Variants in COPZ2 observed in about 807,000 individuals in gnomAD.
The protein encoded by COPZ2 is coatomer subunit zeta-2.
Under a neutral mutation model 33.2 loss-of-function variants are expected in COPZ2, and 30 were observed. That is an observed-to-expected ratio of 0.90 (90% CI 0.68 to 1.23). The LOEUF is 1.23. Ranked by LOEUF, COPZ2 falls within the 50% of genes most tolerant of loss-of-function variation. The pLI, the probability that COPZ2 is intolerant of heterozygous loss-of-function variation, is 0.00. For synonymous variants in COPZ2, 89 were observed against 102.6 expected (o/e 0.87, Z 0.80); for missense variants, 263 against 262.4 (o/e 1.00, Z -0.02).
At chr17:48,039,530 G>A (rs1217166154), upstream of COPZ2, among the ~76,000 whole-genome samples, 4 of 151,684 alleles carry the variant, frequency 2.6e-5, no homozygotes, top group Non-Finnish European at 5.9e-5. Context: ...AGGAGGAGGG[G>A]GAGGAGGGTG....
Position 48,028,362 on chromosome 17 carries a change from A to T in COPZ2, c.585+110T>A, listed in dbSNP as rs375911776. On this transcript the variant is annotated intron_variant, in intron 8 of 8. Transcript: ENST00000621465. The surrounding 1 kb of genome is among the most constrained non-coding windows in gnomAD (Gnocchi z 4.5). ...CTCATCCCTTCCCTTCTCACCCCTGATTTTTCAGACTTGATAACTTCACTG... is the reference window on the plus strand; with the variant it reads ...CTCATCCCTTCCCTTCTCACCCCTGTTTTTTCAGACTTGATAACTTCACTG... 61 of 1,160,718 alleles carry T rather than the reference A, an allele frequency of 5.3e-5. No homozygotes were observed. Among genetic ancestry groups the T allele is most frequent in the East Asian group, 5.2e-4 (19 of 36,840 alleles). 71.9% of individuals were successfully genotyped at this position (1,160,718 alleles called of 1,614,324 possible).
chr17:48,036,756 G>A (rs1402502577), intron 2 of COPZ2, 95 bp downstream of exon 2: 26 of 1,209,306 alleles, frequency 2.1e-5, no homozygotes, highest in Non-Finnish European at 3.1e-5. Flanking sequence ...AAGCTGAGCT[G>A]CCCTGAGTCA....
chr17:48,039,777 A>G (rs150324254), upstream of COPZ2, among the ~76,000 whole-genome samples: 904 of 152,096 alleles, frequency 5.9e-3, 7 homozygotes, highest in Non-Finnish European at 0.011. Context: ...GTCTTGCTCT[A>G]TCACCCAGGC....
the COPZ2 span, among the ~76,000 whole-genome samples, chr17:48,043,303 C>T: frequency 6.6e-6 from 1 of 152,202 alleles, no homozygotes; most frequent in East Asian, 1.9e-4. Flanking sequence ...TCCTCTGGGC[C>T]TTGGTATAGC....
At chr17:48,042,305 T>G (rs999983194), upstream of COPZ2, among the ~76,000 whole-genome samples, 3 of 151,974 alleles carry the variant, frequency 2.0e-5, no homozygotes, top group Non-Finnish European at 4.4e-5. Flanking sequence ...AGCTAATTTT[T>G]TTTATTTTTA....
At chr17:48,039,583 A>C (rs1247550595), upstream of COPZ2, among the ~76,000 whole-genome samples, 3 of 151,846 alleles carry the variant, frequency 2.0e-5, no homozygotes, top group Non-Finnish European at 4.4e-5. Flanking sequence ...CTGGTCTTGA[A>C]CGCCTAGGCT....
the COPZ2 span, among the ~76,000 whole-genome samples, chr17:48,043,069 AGCAGACTCG>A: frequency 6.6e-6 from 1 of 152,268 alleles, no homozygotes; most frequent in Non-Finnish European, 1.5e-5. Flanking sequence ...CACGTGCAGC[AGCAGACTCG>A]GCAGGAGAGC....
At chr17:48,032,871 G>A (rs2036915073) in intron 4 of COPZ2, 130 bp from the exon 5 acceptor site, 3 of 719,448 alleles carry the variant, frequency 4.2e-6, no homozygotes, top group South Asian at 3.4e-5. Context: ...ACTGACTGCG[G>A]TGTGACATTA....
chr17:48,042,963 T>C (rs8076163), upstream of COPZ2, among the ~76,000 whole-genome samples: 123,239 of 152,180 alleles, frequency 0.81, 50,238 homozygotes, highest in African/African-American at 0.87. Context: ...CATAAACATG[T>C]GAGCTATGTG....
Position 48,030,289 on chromosome 17 carries a change from AACACACACACACAC to A in COPZ2, c.495-1127_495-1114del, listed in dbSNP as rs71935471. ...GCGACAGAGTGAGACTCCATCTCAA[AACACACACACACAC>A]ACACACACACACACACACACACACA... On this transcript the variant is annotated intron_variant, in intron 6 of 8. Coordinates refer to ENST00000621465, the MANE Select transcript of COPZ2 (RefSeq NM_016429.4). Among the ~76,000 whole-genome samples the A allele has an allele frequency of 2.1e-3, 274 of 128,418 alleles. 1 individual carries two copies. The highest frequency in any genetic ancestry group is 6.8e-3 in the African/African-American group (253 of 37,354). 84.2% of individuals were successfully genotyped at this position (128,418 alleles called of 152,430 possible).
Position 48,028,460 on chromosome 17 carries a change from AG to A in COPZ2, c.585+11del, listed in dbSNP as rs777360049. On this transcript the variant is annotated intron_variant, in intron 8 of 8. Coordinates refer to ENST00000621465, the MANE Select transcript of COPZ2 (RefSeq NM_016429.4). The surrounding 1 kb of genome is among the most constrained non-coding windows in gnomAD (Gnocchi z 4.5). ...GACCATTTCTAGCCAAGGCAGATGCAGGGGGGCCTACCTGGGCCACACTCTG... is the reference window on the plus strand; with the variant it reads ...GACCATTTCTAGCCAAGGCAGATGCAGGGGGCCTACCTGGGCCACACTCTG... The A allele has an allele frequency of 4.4e-6, 7 of 1,607,834 alleles. No individual in the cohort carries two copies. In the East Asian group the frequency reaches 1.6e-4, roughly 36 times the overall value.
chr17:48,037,762 C>T lies in COPZ2; in HGVS notation c.16G>A (p.Ala6Thr), dbSNP rs1160985624. The change falls in exon 1 of 9, where the codon GCC becomes ACC. Residue 6 changes from alanine to threonine, a missense_variant. By Grantham distance (58) the Ala-to-Thr change is moderately conservative. Coordinates refer to ENST00000621465, the MANE Select transcript of COPZ2 (RefSeq NM_016429.4). The surrounding 1 kb of genome is among the most constrained non-coding windows in gnomAD (Gnocchi z 5.6). MQRPEAWPRPHPGEGA... is the reference protein window; with the variant it reads MQRPETWPRPHPGEGA... Reference sequence around the variant, plus strand: ...TCCCCCGGGTGCGGACGTGGCCAGGCCTCGGGCCGCTGCATTCCGCTCGCC... The same window carrying T: ...TCCCCCGGGTGCGGACGTGGCCAGGTCTCGGGCCGCTGCATTCCGCTCGCC... The T allele has an allele frequency of 3.9e-6, 4 of 1,032,328 alleles. No homozygotes were observed. Among genetic ancestry groups the T allele is most frequent in the Non-Finnish European group, 4.6e-6 (4 of 862,716 alleles). The allele number at this position is 1,032,328 out of a possible 1,614,324, so 63.9% of individuals were successfully genotyped here. A position where few individuals can be genotyped will look rare whatever the true frequency, so the allele number is the denominator to read the frequency against.
Position 48,036,884 on chromosome 17 carries a change from G to A in COPZ2, c.153C>T (p.Ile51=), listed in dbSNP as rs551656537. 17 of 1,613,972 alleles carry A rather than the reference G, an allele frequency of 1.1e-5. No individual in the cohort carries two copies. The East Asian group carries it at 3.8e-4, about 36-fold the overall frequency. ...GCAGCCGGCGCCCGTCATTATCTAG[G>A]ATGAAAACAGCCTTGATGGTGTAGA... is the stretch of plus-strand genomic sequence containing the variant. ...PSLYTIKAVF[I]LDNDGRRLLA... is the part of the protein sequence containing the mutation. The change falls in exon 2 of 9, where the codon ATC becomes ATT. Residue 51 remains isoleucine (I), a synonymous_variant. Transcript: ENST00000621465.
At chr17:48,044,059 C>T in the COPZ2 span, among the ~76,000 whole-genome samples, 1 of 152,144 alleles carries the variant, frequency 6.6e-6, no homozygotes, top group African/African-American at 2.4e-5. Context: ...CCCTAAAAGT[C>T]AAACGGGCCG....
the COPZ2 span, chr17:48,045,264 G>A: frequency 6.6e-6 from 1 of 152,152 alleles, no homozygotes; most frequent in African/African-American, 2.4e-5. Context: ...TGGCCTTAGA[G>A]ACATTTTTAG....
rs772588710 is a variant in COPZ2 at position 48,028,039 on chromosome 17, C to T, written c.585+433G>A. 6.6e-6 allele frequency among the ~76,000 whole-genome samples: 1 copy of T among 152,150 alleles called. No homozygotes were observed. Among genetic ancestry groups the T allele is most frequent in the Non-Finnish European group, 1.5e-5 (1 of 68,018 alleles). On this transcript the variant is annotated intron_variant, in intron 8 of 8. Transcript: ENST00000621465. The surrounding 1 kb of genome is among the most constrained non-coding windows in gnomAD (Gnocchi z 4.5). The stretch of plus-strand genomic sequence containing the variant: ...GGGTTTGAGAGTCCCTTAACAATCC[C>T]AGTGTGCACCCTAAGTGGCAAGGAC...
chr17:48,034,408 C>T (rs2036946889), intron 2 of COPZ2, among the ~76,000 whole-genome samples: 1 of 152,104 alleles, frequency 6.6e-6, no homozygotes, highest in African/African-American at 2.4e-5. Context: ...GCTTGGCCCC[C>T]TCCAAAACAA....
rs1244099011 is a variant in COPZ2, at chr17:48,028,359, CT to C, written c.585+112del. The C allele has an allele frequency of 8.9e-7, 1 of 1,120,622 alleles. No homozygotes were observed. The highest frequency in any genetic ancestry group is 1.3e-6 in the Non-Finnish European group (1 of 794,222). The allele number at this position is 1,120,622 out of a possible 1,614,324, so 69.4% of individuals were successfully genotyped here. A position where few individuals can be genotyped will look rare whatever the true frequency, so the allele number is the denominator to read the frequency against. ...TGCCTCATCCCTTCCCTTCTCACCC[CT>C]GATTTTTCAGACTTGATAACTTCAC... On this transcript the variant is annotated intron_variant, in intron 8 of 8. Transcript: ENST00000621465. This position sits in a 1 kb window ranked among gnomAD's most constrained non-coding sequence, Gnocchi z 4.5.
At chr17:48,033,111 C>T (rs2036918628) in intron 4 of COPZ2, 100 bp downstream of exon 4, 3 of 817,252 alleles carry the variant, frequency 3.7e-6, no homozygotes, top group Admixed American at 4.1e-5. Flanking sequence ...AGAAGGGGTC[C>T]AATGGTGAGC....
Sources: allele counts gnomAD v4.1 joint callset (sites outside exome capture counted in the v4.1 genomes callset), GRCh38; gene constraint gnomAD v4.1.1; non-coding constraint Gnocchi (gnomAD v3.1); transcripts MANE v1.5; gene names NCBI Gene and HGNC (gene_info 2026-07-23, HGNC 2026-07-21).